PCMTD1: variants seen among roughly 807,000 people sequenced by gnomAD.
The protein encoded by PCMTD1 is protein-L-isoaspartate O-methyltransferase domain-containing protein 1.
Under a neutral mutation model 37.6 loss-of-function variants are expected in PCMTD1, and 12 were observed. The observed-to-expected ratio is 0.32, with a 90% CI of 0.20 to 0.52. The LOEUF is 0.52. PCMTD1 is among the 20% of genes least tolerant of loss of function. The probability of loss-of-function intolerance (pLI) is 0.97; values close to 1 mark genes in which losing one functional copy is unlikely to be tolerated. For synonymous variants in PCMTD1, 117 were observed against 135.8 expected (o/e 0.86, Z 0.96); for missense variants, 235 against 421.3 (o/e 0.56, Z 3.87).
In PCMTD1 at chr8:51,880,037, TA is replaced by T. The variant is rs927585402; in HGVS notation, c.-95-18792del. 1.1e-4 allele frequency among the ~76,000 whole-genome samples: 16 copies of T among 146,568 alleles called. 1 individual carries two copies. In the Middle Eastern group the frequency reaches 0.01, roughly 95 times the overall value. On this transcript the variant is annotated intron_variant, in intron 1 of 5. Coordinates refer to ENST00000522514, the MANE Select transcript of PCMTD1 (RefSeq NM_052937.4). ...CATCTCTAACCAAAAAAAAAAAGTT[TA>T]AAAAAAAAAATAGCCAGGCAAAGTG...
At chr8:51,867,307 A>G (rs1425289141) in intron 1 of PCMTD1, among the ~76,000 whole-genome samples, 1 of 152,068 alleles carries the variant, frequency 6.6e-6, no homozygotes, top group African/African-American at 2.4e-5. Context: ...AATCAGCATT[A>G]TCTTATGATC....
intron 3 of PCMTD1, among the ~76,000 whole-genome samples, chr8:51,834,840 C>CT (rs1345136225): frequency 3.9e-5 from 6 of 152,062 alleles, no homozygotes; most frequent in African/African-American, 1.4e-4. Context: ...CATTTCTTGT[C>CT]TTTTTGTTGG....
At chr8:51,829,641 G>C (rs941534626) in intron 5 of PCMTD1, among the ~76,000 whole-genome samples, 1 of 152,064 alleles carries the variant, frequency 6.6e-6, no homozygotes, top group Non-Finnish European at 1.5e-5. Context: ...ATGGTGGTGG[G>C]AGCCTGTAAT....
At chr8:51,898,894 C>A in intron 1 of PCMTD1, 36 bp downstream of exon 1, 5 of 1,309,878 alleles carry the variant, frequency 3.8e-6, no homozygotes, top group Non-Finnish European at 4.8e-6. Context: ...ACTCGCACAC[C>A]CCACGACCCC....
intron 1 of PCMTD1, among the ~76,000 whole-genome samples, chr8:51,891,299 A>G (rs1281584429): frequency 1.3e-5 from 2 of 152,092 alleles, no homozygotes. Context: ...TTCTCCTCTA[A>G]TCCACTTTGG....
Position 51,818,259 on chromosome 8 carries a change from C to T in PCMTD1, c.*2092G>A, listed in dbSNP as rs2037788626. The T allele has an allele frequency of 3.5e-6, 1 of 285,168 alleles. No homozygotes were observed. Among genetic ancestry groups the T allele is most frequent in the Non-Finnish European group, 6.8e-6 (1 of 147,344 alleles). 17.7% of individuals were successfully genotyped at this position (285,168 alleles called of 1,614,324 possible). ...AAACATAAAAGATACATTTCAATGA[C>T]AAGAAATATGCAATGATCATGAAAA... On this transcript the variant is annotated 3_prime_UTR_variant, in exon 6 of 6. Transcript: ENST00000522514.
At chr8:51,854,085 C>G (rs2038347651) in intron 2 of PCMTD1, among the ~76,000 whole-genome samples, 1 of 152,154 alleles carries the variant, frequency 6.6e-6, no homozygotes, top group South Asian at 2.1e-4. Context: ...AAAGATAAAA[C>G]TCAAAATGCT....
intron 2 of PCMTD1, chr8:51,849,942 G>C (rs2038280546): frequency 1.6e-6 from 1 of 643,328 alleles, no homozygotes; most frequent in Non-Finnish European, 2.8e-6. Context: ...GCATTTGAAT[G>C]AAGTTCACTG....
chr8:51,838,616 A>C (rs2129278138), intron 3 of PCMTD1, among the ~76,000 whole-genome samples: 1 of 152,298 alleles, frequency 6.6e-6, no homozygotes, highest in Non-Finnish European at 1.5e-5. Flanking sequence ...AGTAAATTAC[A>C]ACTCCTATTG....
In PCMTD1 at chr8:51,833,583, G is replaced by A; in HGVS notation, c.517C>T (p.His173Tyr). The change falls in exon 4 of 6, where the codon CAT becomes TAT. Residue 173 changes from histidine to tyrosine, a missense_variant. By Grantham distance (83) the His-to-Tyr change is moderately conservative (BLOSUM62 2). Transcript: ENST00000522514. ...IYCGAGVQKD[H>Y]ENYMKILLKV... Reference sequence around the variant, plus strand: ...AGTAATATTTTCATGTAGTTTTCATGGTCTTTCTGCACTCCAGCTCCACAA... The same window carrying A: ...AGTAATATTTTCATGTAGTTTTCATAGTCTTTCTGCACTCCAGCTCCACAA... 1 of 1,612,320 alleles carries A rather than the reference G, an allele frequency of 6.2e-7. No homozygotes were observed. Among genetic ancestry groups the A allele is most frequent in the Non-Finnish European group, 8.5e-7 (1 of 1,179,222 alleles).
chr8:51,818,056 C>T lies in PCMTD1; in HGVS notation c.*2295G>A, dbSNP rs1012932329. 27 of 401,674 alleles carry T rather than the reference C, an allele frequency of 6.7e-5. No homozygotes were observed. Among genetic ancestry groups the T allele is most frequent in the South Asian group, 1.5e-4 (8 of 53,610 alleles). 24.9% of individuals were successfully genotyped at this position (401,674 alleles called of 1,614,324 possible). On this transcript the variant is annotated 3_prime_UTR_variant, in exon 6 of 6. Transcript: ENST00000522514. Reference sequence around the variant, plus strand: ...ATTTGCTACTTTTCCACCTATAAAGCGTAATTTTCCATATCAAGTAAACAT... The same window carrying T: ...ATTTGCTACTTTTCCACCTATAAAGTGTAATTTTCCATATCAAGTAAACAT...
chr8:51,883,861 A>G (rs2038827237), intron 1 of PCMTD1, among the ~76,000 whole-genome samples: 1 of 152,246 alleles, frequency 6.6e-6, no homozygotes. Context: ...TACAAAAACA[A>G]AGACATAGTT....
At chr8:51,897,056 T>A (rs992358537) in intron 1 of PCMTD1, among the ~76,000 whole-genome samples, 2 of 152,206 alleles carry the variant, frequency 1.3e-5, no homozygotes. Flanking sequence ...TCGAGCACAG[T>A]TTCCAAATCA....
chr8:51,891,097 CAAAT>C (rs1337889302), intron 1 of PCMTD1, among the ~76,000 whole-genome samples: 4 of 152,132 alleles, frequency 2.6e-5, no homozygotes, highest in Non-Finnish European at 4.4e-5. Context: ...AAAGCAAAAT[CAAAT>C]AAATGAGCTT....
chr8:51,838,894 T>C (rs1376688709), intron 3 of PCMTD1, among the ~76,000 whole-genome samples: 1 of 152,174 alleles, frequency 6.6e-6, no homozygotes, highest in Non-Finnish European at 1.5e-5. Context: ...TCTACCTTTT[T>C]ATATCAACGA....
chr8:51,838,860 A>T (rs1048115593), intron 3 of PCMTD1, among the ~76,000 whole-genome samples: 7 of 152,192 alleles, frequency 4.6e-5, no homozygotes, highest in African/African-American at 1.7e-4. Flanking sequence ...ATAGGTTAAA[A>T]ATGGTGAAAG....
At chr8:51,870,397 A>C (rs2038622300) in intron 1 of PCMTD1, 1 of 152,222 alleles carries the variant, frequency 6.6e-6, no homozygotes, top group Non-Finnish European at 1.5e-5. Context: ...GGGGCTGATA[A>C]AGAGATATGA....
chr8:51,829,085 T>G (rs2037963050), intron 5 of PCMTD1, among the ~76,000 whole-genome samples: 1 of 152,206 alleles, frequency 6.6e-6, no homozygotes, highest in South Asian at 2.1e-4. Flanking sequence ...TTTTCTGAAT[T>G]ACGAAAGGTT....
chr8:51,861,720 T>A (rs1012985437), intron 1 of PCMTD1, among the ~76,000 whole-genome samples: 1 of 150,964 alleles, frequency 6.6e-6, no homozygotes, highest in Non-Finnish European at 1.5e-5. Flanking sequence ...CCATGTTTTT[T>A]TTTTAATTTT....
Sources: gnomAD v4.1 joint callset for allele counts (sites outside exome capture counted in the v4.1 genomes callset) on GRCh38, gnomAD v4.1.1 for gene constraint, MANE v1.5 for transcripts, NCBI Gene and HGNC (gene_info 2026-07-23, HGNC 2026-07-21) for gene names.